Variants in AGBL1 observed in about 807,000 individuals in gnomAD.
AGBL1 encodes the protein AGBL carboxypeptidase 1, also known as cytosolic carboxypeptidase 4.
Under a neutral mutation model 118.9 loss-of-function variants are expected in AGBL1, and 130 were observed. The observed-to-expected ratio is 1.09, with a 90% CI of 0.95 to 1.26. The LOEUF is 1.26. Among genes scored for constraint, AGBL1 ranks in the 50% most tolerant of loss-of-function variants. The pLI is 0.00. For missense variants in AGBL1, 1,584 were observed against 1,298.1 expected (o/e 1.22, Z -3.38); for synonymous variants, 555 against 478.9 (o/e 1.16, Z -2.08).
intron 17 of AGBL1, among the ~76,000 whole-genome samples, chr15:86,332,666 A>G (rs1357940306): frequency 6.8e-6 from 1 of 146,818 alleles, no homozygotes; most frequent in Non-Finnish European, 1.5e-5. Flanking sequence ...AAAAAAAAAG[A>G]AATTCTGGAC....
At chr15:86,960,807 C>T (rs28481532) in intron 23 of AGBL1, among the ~76,000 whole-genome samples, 6 of 151,988 alleles carry the variant, frequency 3.9e-5, no homozygotes, top group East Asian at 1.9e-4. Flanking sequence ...ACCTGAATGA[C>T]ATTATGCTAA....
intron 18 of AGBL1, among the ~76,000 whole-genome samples, chr15:86,409,204 T>A (rs370052934): frequency 7.9e-5 from 12 of 152,118 alleles, no homozygotes; most frequent in African/African-American, 2.9e-4. Flanking sequence ...AACATGGCAC[T>A]TGGTGCAACC....
intron 17 of AGBL1, among the ~76,000 whole-genome samples, chr15:86,341,692 T>C (rs1251477011): frequency 6.6e-6 from 1 of 152,148 alleles, no homozygotes; most frequent in Non-Finnish European, 1.5e-5. Flanking sequence ...GCAATCCTGT[T>C]AGATTAGAAA....
chr15:86,436,176 G>T (rs138056526), intron 18 of AGBL1, among the ~76,000 whole-genome samples: 2 of 136,766 alleles, frequency 1.5e-5, no homozygotes, highest in Non-Finnish European at 3.0e-5. Context: ...TTGTCTTACC[G>T]CTCTCTGTGG....
At chr15:86,809,654 A>G (rs187526349) in intron 22 of AGBL1, among the ~76,000 whole-genome samples, 63 of 152,336 alleles carry the variant, frequency 4.1e-4, no homozygotes, top group African/African-American at 1.5e-3. Flanking sequence ...CTTGGAATTA[A>G]GGGAAGAATG....
At chr15:86,891,434 C>T (rs2080050718) in intron 22 of AGBL1, among the ~76,000 whole-genome samples, 1 of 152,070 alleles carries the variant, frequency 6.6e-6, no homozygotes, top group African/African-American at 2.4e-5. Context: ...TCTGACATTG[C>T]ACCATGTGTC....
intron 22 of AGBL1, among the ~76,000 whole-genome samples, chr15:86,772,109 T>C (rs2078190780): frequency 1.3e-5 from 2 of 152,014 alleles, no homozygotes; most frequent in Admixed American, 1.3e-4. Flanking sequence ...GGTCTCAGGC[T>C]TTCAGTCTGC....
intron 24 of AGBL1, among the ~76,000 whole-genome samples, chr15:87,005,336 G>A (rs923847396): frequency 1.1e-3 from 164 of 152,294 alleles, no homozygotes; most frequent in African/African-American, 3.6e-3. Context: ...CCAATCAGAT[G>A]TAGATTTGGT....
intron 19 of AGBL1, among the ~76,000 whole-genome samples, chr15:86,527,858 G>A (rs2083288091): frequency 6.6e-6 from 1 of 152,124 alleles, no homozygotes; most frequent in Non-Finnish European, 1.5e-5. Flanking sequence ...ACTTTATAGT[G>A]AATATGGCAA....
intron 5 of AGBL1, among the ~76,000 whole-genome samples, chr15:86,216,229 C>CATTTATTTATAT (rs2078186303): frequency 6.6e-6 from 1 of 150,562 alleles, no homozygotes; most frequent in South Asian, 2.1e-4. Flanking sequence ...AACTACATGC[C>CATTTATTTATAT]ATTTATTTAT....
downstream of AGBL1, among the ~76,000 whole-genome samples, chr15:86,916,829 C>T (rs1019383230): frequency 2.6e-5 from 4 of 152,178 alleles, no homozygotes; most frequent in African/African-American, 7.2e-5. Context: ...TGAGGTGGCT[C>T]ACACTAGCGT....
At chr15:86,181,957 G>A (rs1271715532) in intron 5 of AGBL1, among the ~76,000 whole-genome samples, 1 of 152,010 alleles carries the variant, frequency 6.6e-6, no homozygotes, top group Non-Finnish European at 1.5e-5. Context: ...ATTAGATCAT[G>A]CATTCATTCA....
chr15:86,873,403 GC>G (rs549788784), intron 22 of AGBL1, among the ~76,000 whole-genome samples: 209 of 152,252 alleles, frequency 1.4e-3, no homozygotes, highest in African/African-American at 4.5e-3. Context: ...CTTTTGTTCA[GC>G]GCTTTCAAAG....
chr15:87,019,013 A>G (rs1273532377), intron 24 of AGBL1, among the ~76,000 whole-genome samples: 1 of 152,132 alleles, frequency 6.6e-6, no homozygotes, highest in Non-Finnish European at 1.5e-5. Flanking sequence ...CAAAGATAAA[A>G]AAAAAGACAA....
chr15:86,947,391 C>A (rs1446582592), intron 23 of AGBL1, among the ~76,000 whole-genome samples: 1 of 152,054 alleles, frequency 6.6e-6, no homozygotes, highest in African/African-American at 2.4e-5. Flanking sequence ...TCAGGTATTT[C>A]ATAAATTGCT....
intron 22 of AGBL1, among the ~76,000 whole-genome samples, chr15:86,739,225 C>T (rs564732915): frequency 6.6e-6 from 1 of 151,970 alleles, no homozygotes; most frequent in African/African-American, 2.4e-5. Context: ...AGGCAGATCA[C>T]CTGGGGTCAG....
intron 22 of AGBL1, among the ~76,000 whole-genome samples, chr15:86,863,159 A>G (rs946811798): frequency 2.0e-5 from 3 of 152,210 alleles, no homozygotes; most frequent in Non-Finnish European, 4.4e-5. Context: ...TGGGTGCTGC[A>G]TGGTGATAGA....
intron 17 of AGBL1, among the ~76,000 whole-genome samples, chr15:86,361,342 T>C (rs117488884): frequency 1.6e-3 from 236 of 152,204 alleles, no homozygotes; most frequent in Non-Finnish European, 2.6e-3. Flanking sequence ...TTGAATTTGT[T>C]AAGAATTGTT....
chr15:86,258,018 A>T lies in AGBL1; in HGVS notation c.956A>T (p.Asp319Val). Residue 319 changes from aspartate (D) to valine (V), a missense_variant, in exon 9 of 23, where the codon GAT becomes GTT. Physicochemically the swap from Asp to Val is radical, Grantham distance 152. Coordinates refer to ENST00000614907, the MANE Select transcript of AGBL1 (RefSeq NM_001386094.1). ...GTGGACAAAGACTCTGATACTGAAGATGGGAAAGTGGAAGTAGGTACACCA... is the reference window on the plus strand; with the variant it reads ...GTGGACAAAGACTCTGATACTGAAGTTGGGAAAGTGGAAGTAGGTACACCA... ...DEVDKDSDTE[D>V]GKVEDDDLET... The T allele has an allele frequency of 1.9e-6, 3 of 1,613,766 alleles. No homozygotes were observed. The South Asian group carries it at 3.3e-5, about 18-fold the overall frequency.
Sources: gnomAD v4.1 joint callset for allele counts (sites outside exome capture counted in the v4.1 genomes callset) on GRCh38, gnomAD v4.1.1 for gene constraint, MANE v1.5 for transcripts, NCBI Gene and HGNC (gene_info 2026-07-23, HGNC 2026-07-21) for gene names.